ENTREP1: variants seen among roughly 807,000 people sequenced by gnomAD.
ENTREP1 encodes endosomal transmembrane epsin interactor 1, also known as Friedreich ataxia region gene X123.
At chr9:69,336,248 GA>G in the ENTREP1 span, 5 of 1,590,058 alleles carry the variant, frequency 3.1e-6, no homozygotes, top group African/African-American at 1.3e-5. Context: ...TAACAACTTG[GA>G]AAAGGCCTAT....
At chr9:69,380,633 A>T in the ENTREP1 span, 1 of 152,202 alleles carries the variant, frequency 6.6e-6, no homozygotes, top group African/African-American at 2.4e-5. Flanking sequence ...ATTGATTTGT[A>T]ATACAGGAGG....
chr9:69,385,152 C>T, the ENTREP1 span, among the ~76,000 whole-genome samples: 12 of 152,122 alleles, frequency 7.9e-5, no homozygotes, highest in Non-Finnish European at 1.5e-4. Flanking sequence ...AACTCCTGAC[C>T]TCAGGTGATC....
At chr9:69,344,270 C>T in the ENTREP1 span, among the ~76,000 whole-genome samples, 8 of 151,890 alleles carry the variant, frequency 5.3e-5, no homozygotes, top group Non-Finnish European at 8.8e-5. Flanking sequence ...TGTGTGTGTG[C>T]GTGTGTGGTG....
At chr9:69,351,379 C>T in the ENTREP1 span, among the ~76,000 whole-genome samples, 6 of 143,954 alleles carry the variant, frequency 4.2e-5, no homozygotes, top group African/African-American at 1.6e-4. Context: ...GAGAAATTTT[C>T]TTATTTCCTT....
chr9:69,341,543 C>T, the ENTREP1 span, among the ~76,000 whole-genome samples: 1 of 151,786 alleles, frequency 6.6e-6, no homozygotes, highest in African/African-American at 2.4e-5. Flanking sequence ...ATTCTGCTCA[C>T]AAAGCCATTT....
At chr9:69,368,611 T>C in the ENTREP1 span, among the ~76,000 whole-genome samples, 2 of 152,136 alleles carry the variant, frequency 1.3e-5, no homozygotes, top group Admixed American at 1.3e-4. Context: ...ATATTTTCTT[T>C]TTTTGTTGTG....
chr9:69,389,145 G>A, the ENTREP1 span, among the ~76,000 whole-genome samples: 1 of 152,132 alleles, frequency 6.6e-6, no homozygotes, highest in African/African-American at 2.4e-5. Context: ...CCTCTTTTAA[G>A]AGCCATTCCC....
the ENTREP1 span, among the ~76,000 whole-genome samples, chr9:69,357,881 A>G: frequency 6.6e-6 from 1 of 152,174 alleles, no homozygotes; most frequent in East Asian, 1.9e-4. Flanking sequence ...GACTTTGCTC[A>G]TGATTCTAGA....
chr9:69,365,051 C>T, the ENTREP1 span, among the ~76,000 whole-genome samples: 33 of 152,264 alleles, frequency 2.2e-4, 1 homozygote, highest in East Asian at 6.2e-3. Context: ...AGAATCCTGC[C>T]TTGACTGCTG....
the ENTREP1 span, among the ~76,000 whole-genome samples, chr9:69,389,038 G>A: frequency 6.6e-6 from 1 of 152,152 alleles, no homozygotes; most frequent in African/African-American, 2.4e-5. Flanking sequence ...TTGGGTCTCA[G>A]GTTTCTCCTC....
chr9:69,358,907 T>TC, the ENTREP1 span, among the ~76,000 whole-genome samples: 1 of 143,372 alleles, frequency 7.0e-6, no homozygotes. Context: ...TCTTTCTTTT[T>TC]TTTTTTTTTT....
the ENTREP1 span, chr9:69,377,725 A>G: frequency 6.2e-7 from 1 of 1,613,632 alleles, no homozygotes; most frequent in Non-Finnish European, 8.5e-7. Flanking sequence ...TTACTCGTGC[A>G]CACCCCGGAT....
the ENTREP1 span, among the ~76,000 whole-genome samples, chr9:69,369,422 T>C: frequency 0.44 from 66,378 of 151,944 alleles, 14,857 homozygotes; most frequent in African/African-American, 0.54. Flanking sequence ...TCTTCCACAA[T>C]GATTAAACTA....
the ENTREP1 span, among the ~76,000 whole-genome samples, chr9:69,328,420 A>G: frequency 6.6e-6 from 1 of 152,208 alleles, no homozygotes; most frequent in African/African-American, 2.4e-5. Flanking sequence ...AAATTTAAAA[A>G]CTCAACAAAT....
chr9:69,355,071 G>T, the ENTREP1 span, among the ~76,000 whole-genome samples: 34 of 152,182 alleles, frequency 2.2e-4, no homozygotes, highest in Admixed American at 5.9e-4. Flanking sequence ...TGTTATCAAG[G>T]TTCACTTATG....
the ENTREP1 span, chr9:69,380,675 C>G: frequency 6.6e-6 from 1 of 152,234 alleles, no homozygotes; most frequent in South Asian, 2.1e-4. Flanking sequence ...CTCCGCTACT[C>G]CAGGGTGTCT....
the ENTREP1 span, among the ~76,000 whole-genome samples, chr9:69,367,838 C>CAT: frequency 0.02 from 1,929 of 95,676 alleles, 64 homozygotes; most frequent in Non-Finnish European, 0.03. Flanking sequence ...TATATATACA[C>CAT]ATATATATAT....
the ENTREP1 span, among the ~76,000 whole-genome samples, chr9:69,365,362 C>G: frequency 3.4e-4 from 52 of 152,120 alleles, no homozygotes; most frequent in Non-Finnish European, 6.2e-4. Context: ...GCTAATTTCA[C>G]TCAATGCAGT....
At chr9:69,346,604 C>T in the ENTREP1 span, among the ~76,000 whole-genome samples, 57 of 152,276 alleles carry the variant, frequency 3.7e-4, 1 homozygote, top group East Asian at 7.5e-3. Flanking sequence ...AGTGTCTTAA[C>T]ATTTACATTT....
Sources: allele counts gnomAD v4.1 joint callset (sites outside exome capture counted in the v4.1 genomes callset), GRCh38; gene constraint gnomAD v4.1.1; transcripts MANE v1.5; gene names NCBI Gene and HGNC (gene_info 2026-07-23, HGNC 2026-07-21).